ITGA11: variants seen among roughly 807,000 people sequenced by gnomAD.
ITGA11 encodes integrin alpha-11.
A neutral mutation model predicts 141.9 loss-of-function variants in ITGA11; 97 were observed. That is an observed-to-expected ratio of 0.68 (90% confidence interval 0.58 to 0.81). The LOEUF (loss-of-function observed/expected upper bound fraction) is 0.81, where lower values mean the gene tolerates loss of function less well. ITGA11 is among the 30% of genes least tolerant of loss of function. The probability of loss-of-function intolerance (pLI) is 0.00; values close to 1 mark genes in which losing one functional copy is unlikely to be tolerated. For synonymous variants in ITGA11, 658 were observed against 624.6 expected, an observed-to-expected ratio of 1.05 and a Z score of -0.80; for missense variants, 1,387 against 1,559.2, an observed-to-expected ratio of 0.89 and a Z score of 1.86.
chr15:68,429,621 C>T (rs532996095), intron 1 of ITGA11, among the ~76,000 whole-genome samples: 84 of 152,304 alleles, frequency 5.5e-4, no homozygotes, highest in Middle Eastern at 3.4e-3. Flanking sequence ...AGACAAGCTT[C>T]CTGGTAATCC....
intron 15 of ITGA11, 57 bp downstream of exon 15, chr15:68,330,924 T>A: frequency 6.2e-7 from 1 of 1,606,058 alleles, no homozygotes; most frequent in Non-Finnish European, 8.5e-7. Flanking sequence ...TTAAAACCCC[T>A]GGATTCATTG....
chr15:68,347,360 A>G (rs528186747), intron 10 of ITGA11, among the ~76,000 whole-genome samples: 4 of 152,340 alleles, frequency 2.6e-5, no homozygotes, highest in Non-Finnish European at 4.4e-5. Flanking sequence ...TGGGATAACT[A>G]TCATCACCTG....
rs1197474103 is a variant in ITGA11 at position 68,300,953 on chromosome 15, A to G, written c.*2106T>C. On this transcript the variant is annotated 3_prime_UTR_variant, in exon 30 of 30. Transcript: ENST00000315757. ...TGGACGACTTGGTGCTAAGTCAATG[A>G]AAACTTATGAGTGTGGGTTCATTAA... 1 of 152,232 alleles carries G rather than the reference A, an allele frequency of 6.6e-6. No homozygotes were observed. The highest frequency in any genetic ancestry group is 1.5e-5 in the Non-Finnish European group (1 of 68,032). The allele number at this position is 152,232 out of a possible 1,614,324, so 9.4% of individuals were successfully genotyped here.
chr15:68,346,310 C>T lies in ITGA11; in HGVS notation c.1131+2520G>A, dbSNP rs146870930. ...GGAACCTGTTGATCCTGCAAGGACT[C>T]ACCTTGCTCAACACTGAACTGCTGG... On this transcript the variant is annotated intron_variant, in intron 10 of 29. Coordinates refer to ENST00000315757, the MANE Select transcript of ITGA11 (RefSeq NM_001004439.2). 1.4e-4 allele frequency among the ~76,000 whole-genome samples: 21 copies of T among 152,310 alleles called. No homozygotes were observed. In the East Asian group the frequency reaches 3.9e-3, roughly 28 times the overall value.
Position 68,312,753 on chromosome 15 carries a change from C to T in ITGA11, c.2973+20G>A, listed in dbSNP as rs372476667. Reference sequence around the variant, plus strand: ...CAGATCCCGTCCTTCCCCCTCTACCCGGCTCCCCTCCAGCCTCACCCTGAA... The same window carrying T: ...CAGATCCCGTCCTTCCCCCTCTACCTGGCTCCCCTCCAGCCTCACCCTGAA... On this transcript the variant is annotated intron_variant, in intron 24 of 29. Transcript: ENST00000315757. 577 of 1,581,254 alleles carry T rather than the reference C, an allele frequency of 3.6e-4. 2 individuals are homozygous for T. In the African/African-American group the frequency reaches 4.6e-3, roughly 13 times the overall value.
Position 68,326,744 on chromosome 15 carries a change from G to A in ITGA11, c.2121C>T (p.His707=). Residue 707 remains histidine (H), a synonymous_variant, in exon 17 of 30, where the codon CAC becomes CAT. Transcript: ENST00000315757. This position sits in a 1 kb window ranked among gnomAD's most constrained non-coding sequence, Gnocchi z 6.8. The part of the protein sequence containing the change: ...MDERRYTPRA[H]LDEGGDRFTN... Reference sequence around the variant, plus strand: ...TGAATCGGTCCCCGCCCTCGTCCAGGTGGGCCCTCGGTGTATACCGCCTCT... The same window carrying A: ...TGAATCGGTCCCCGCCCTCGTCCAGATGGGCCCTCGGTGTATACCGCCTCT... The A allele has an allele frequency of 1.3e-6, 2 of 1,582,066 alleles. No individual in the cohort carries two copies. Among genetic ancestry groups the A allele is most frequent in the South Asian group, 1.2e-5 (1 of 86,082 alleles).
chr15:68,342,208 C>T (rs942997876), intron 10 of ITGA11, among the ~76,000 whole-genome samples: 14 of 152,202 alleles, frequency 9.2e-5, no homozygotes, highest in Admixed American at 2.6e-4. Flanking sequence ...GCACGTGGGC[C>T]CAGCTGGCAA....
At chr15:68,374,407 G>A (rs1409979202) in intron 2 of ITGA11, among the ~76,000 whole-genome samples, 1 of 152,234 alleles carries the variant, frequency 6.6e-6, no homozygotes, top group Non-Finnish European at 1.5e-5. Context: ...AAACATGCAG[G>A]TTCCTTGGGC....
intron 12 of ITGA11, among the ~76,000 whole-genome samples, chr15:68,334,384 G>T (rs1894277312): frequency 6.6e-6 from 1 of 152,192 alleles, no homozygotes; most frequent in Admixed American, 6.5e-5. Context: ...CTTGCCCAAG[G>T]TCAGAAGGCC....
chr15:68,366,073 T>C (rs1452117188), intron 3 of ITGA11, among the ~76,000 whole-genome samples: 1 of 152,200 alleles, frequency 6.6e-6, no homozygotes, highest in Non-Finnish European at 1.5e-5. Flanking sequence ...CTTTTTGGTT[T>C]TCCTCAGTTT....
In ITGA11 at chr15:68,308,250, A is replaced by G. The variant is rs949589323; in HGVS notation, c.3175-554T>C. On this transcript the variant is annotated intron_variant, in intron 26 of 29. Coordinates refer to ENST00000315757, the MANE Select transcript of ITGA11 (RefSeq NM_001004439.2). The surrounding 1 kb of genome is among the most constrained non-coding windows in gnomAD (Gnocchi z 5.2). ...TGAACAGGATCTAGTTTGAGGCACT[A>G]AGAAAGATAAGACATCAGTTTGAAA... Among the ~76,000 whole-genome samples the G allele has an allele frequency of 6.6e-6, 1 of 152,230 alleles. No homozygotes were observed. Among genetic ancestry groups the G allele is most frequent in the African/African-American group, 2.4e-5 (1 of 41,456 alleles).
chr15:68,362,007 C>A (rs986893352), intron 4 of ITGA11: 7 of 284,840 alleles, frequency 2.5e-5, no homozygotes, highest in African/African-American at 4.4e-5. Context: ...ACCTGCCCAC[C>A]CCACTCACCC....
chr15:68,364,219 C>T (rs1262632068), intron 4 of ITGA11, among the ~76,000 whole-genome samples: 2 of 152,170 alleles, frequency 1.3e-5, no homozygotes, highest in Non-Finnish European at 2.9e-5. Context: ...ACTCTGTAGC[C>T]CTTCCCTCGG....
In ITGA11 at chr15:68,303,766, C is replaced by T; in HGVS notation, c.3495+6G>A. On this transcript the variant is annotated splice_donor_region_variant and intron_variant, in intron 29 of 29. Transcript: ENST00000315757. The surrounding 1 kb of genome is among the most constrained non-coding windows in gnomAD (Gnocchi z 5.3). The stretch of plus-strand genomic sequence containing the variant: ...TGCTCCTTCCCTCCCCTGCCAGGGC[C>T]CTCACCTTCCACAGTGCCAGGACCA... The T allele has an allele frequency of 6.3e-7, 1 of 1,595,734 alleles. No individual in the cohort carries two copies. Among genetic ancestry groups the T allele is most frequent in the Non-Finnish European group, 8.6e-7 (1 of 1,165,462 alleles).
In ITGA11 at chr15:68,325,718, A is replaced by C. The variant is rs577838572; in HGVS notation, c.2212-477T>G. Among the ~76,000 whole-genome samples, 6 of 152,358 alleles carry C rather than the reference A, an allele frequency of 3.9e-5. No individual in the cohort carries two copies. Among genetic ancestry groups the C allele is most frequent in the African/African-American group, 1.4e-4 (6 of 41,592 alleles). ...CTAGCACTGTGATAAGGGCTTCAGC[A>C]TGTGGAATTGGTGAATGAACAAACT... On this transcript the variant is annotated intron_variant, in intron 17 of 29. Coordinates refer to ENST00000315757, the MANE Select transcript of ITGA11 (RefSeq NM_001004439.2). The surrounding 1 kb of genome is among the most constrained non-coding windows in gnomAD (Gnocchi z 5.5).
rs1892949222 is a variant in ITGA11 at position 68,298,215 on chromosome 15, CCTT to C, written c.*4841_*4843del. 6.6e-6 allele frequency: 1 copy of C among 152,102 alleles called. No homozygotes were observed. Among genetic ancestry groups the C allele is most frequent in the African/African-American group, 2.4e-5 (1 of 41,386 alleles). The allele number at this position is 152,102 out of a possible 1,614,324, so 9.4% of individuals were successfully genotyped here. The stretch of plus-strand genomic sequence containing the variant: ...GGCAAATTTTAGGTGGTTCACAAAA[CCTT>C]AGCTTGTTGGCAAGTTTAGACAAAA... On this transcript the variant is annotated 3_prime_UTR_variant, in exon 30 of 30. Coordinates refer to ENST00000315757, the MANE Select transcript of ITGA11 (RefSeq NM_001004439.2).
intron 1 of ITGA11, among the ~76,000 whole-genome samples, chr15:68,430,679 C>A (rs28449432): frequency 0.036 from 5,447 of 152,306 alleles, 375 homozygotes; most frequent in African/African-American, 0.12. Flanking sequence ...GGCTTGGCCT[C>A]CTCCCGCAGC....
intron 2 of ITGA11, among the ~76,000 whole-genome samples, chr15:68,400,847 A>G (rs1307823448): frequency 1.2e-5 from 1 of 80,206 alleles, no homozygotes; most frequent in African/African-American, 5.0e-5. Flanking sequence ...ATTATATTAT[A>G]TATTATATAA....
rs746178202 is a variant in ITGA11, at chr15:68,304,359, A to T, written c.3382-474T>A. 1.3e-5 allele frequency among the ~76,000 whole-genome samples: 2 copies of T among 152,254 alleles called. No homozygotes were observed. The highest frequency in any genetic ancestry group is 3.8e-4 in the East Asian group (2 of 5,200). On this transcript the variant is annotated intron_variant, in intron 28 of 29. Transcript: ENST00000315757. The surrounding 1 kb of genome is among the most constrained non-coding windows in gnomAD (Gnocchi z 6.1). ...AGGCCCATAACACTTTTAGGAGCCC[A>T]TGAAAATGTTTACATTTCTTTTAAA...
Sources: allele counts gnomAD v4.1 joint callset (sites outside exome capture counted in the v4.1 genomes callset), GRCh38; gene constraint gnomAD v4.1.1; non-coding constraint Gnocchi (gnomAD v3.1); transcripts MANE v1.5; gene names NCBI Gene and HGNC (gene_info 2026-07-23, HGNC 2026-07-21).